Variants in UBASH3A observed in about 807,000 individuals in gnomAD.
UBASH3A encodes ubiquitin-associated and SH3 domain-containing protein A.
In UBASH3A, 63 loss-of-function variants were observed where a neutral mutation model predicts 73.5. That is an observed-to-expected ratio of 0.86 (90% CI 0.70 to 1.06). The LOEUF (loss-of-function observed/expected upper bound fraction) is 1.06. Among genes scored for constraint, UBASH3A ranks in the 50% least tolerant of loss-of-function variants. The probability of loss-of-function intolerance (pLI) is 0.00; values close to 1 mark genes in which losing one functional copy is unlikely to be tolerated. For synonymous variants in UBASH3A, 363 were observed against 351.1 expected (o/e 1.03, Z -0.38); for missense variants, 860 against 859.0 (o/e 1.00, Z -0.02).
intron 3 of UBASH3A, chr21:42,410,013 C>T (rs2053057796): frequency 1.4e-6 from 1 of 696,404 alleles, no homozygotes; most frequent in Non-Finnish European, 2.6e-6. Flanking sequence ...GAAACTAGCA[C>T]AGCCCCTAAA....
chr21:42,418,146 T>C (rs991208983), intron 6 of UBASH3A, among the ~76,000 whole-genome samples: 2 of 152,138 alleles, frequency 1.3e-5, no homozygotes, highest in Non-Finnish European at 2.9e-5. Context: ...CCTTCCAAAG[T>C]GCTGGGATTA....
intron 7 of UBASH3A, among the ~76,000 whole-genome samples, chr21:42,420,333 T>G (rs1193391721): frequency 6.6e-6 from 1 of 152,226 alleles, no homozygotes; most frequent in Non-Finnish European, 1.5e-5. Context: ...TGCAAATAGT[T>G]GTTATACGGT....
intron 14 of UBASH3A, 145 bp from the exon 15 acceptor site, chr21:42,446,912 G>A (rs2053853075): frequency 4.7e-6 from 4 of 847,408 alleles, no homozygotes; most frequent in African/African-American, 1.7e-5. Flanking sequence ...GGCAGATGTT[G>A]GTGCCATTCA....
At chr21:42,432,359 A>T (rs1015870153) in intron 9 of UBASH3A, among the ~76,000 whole-genome samples, 157 bp downstream of exon 9, 3 of 134,494 alleles carry the variant, frequency 2.2e-5, no homozygotes, top group Non-Finnish European at 4.8e-5. Context: ...TGCCTGCTAC[A>T]TCTTCCTCCA....
intron 8 of UBASH3A, among the ~76,000 whole-genome samples, 183 bp downstream of exon 8, chr21:42,427,003 C>T (rs555099429): frequency 6.6e-6 from 1 of 152,180 alleles, no homozygotes; most frequent in Non-Finnish European, 1.5e-5. Context: ...CTGCCCTGGT[C>T]TGTCTGCTCT....
chr21:42,444,794 C>G (rs1294876553), intron 14 of UBASH3A, 151 bp downstream of exon 14: 4 of 671,292 alleles, frequency 6.0e-6, no homozygotes, highest in Non-Finnish European at 1.1e-5. Flanking sequence ...CCCACCGGCT[C>G]TTATGCGAAG....
chr21:42,405,966 C>T (rs886888092), intron 1 of UBASH3A, among the ~76,000 whole-genome samples: 4 of 103,300 alleles, frequency 3.9e-5, no homozygotes, highest in Non-Finnish European at 7.2e-5. Context: ...CAGGGTGGGT[C>T]CATTTGATCT....
rs2053814358 is a variant in UBASH3A at position 42,444,588 on chromosome 21, C to A, written c.1793C>A (p.Pro598Gln). ...HGSTLDSCTR[P>Q]LLGLPPRECG... ...TCCACTCTGGACTCCTGCACGCGGC[C>A]ACTGCTCGGGCTGCCGCCCCGGGAA... Residue 598 changes from proline to glutamine, a missense_variant, in exon 14 of 15, where the codon CCA becomes CAA. By Grantham distance (76) the Pro-to-Gln change is moderately conservative. Transcript: ENST00000319294. The A allele has an allele frequency of 1.2e-6, 2 of 1,614,054 alleles. No individual in the cohort carries two copies. Among genetic ancestry groups the A allele is most frequent in the Non-Finnish European group, 1.7e-6 (2 of 1,180,044 alleles).
At chr21:42,427,058 G>A (rs892275927) in intron 8 of UBASH3A, among the ~76,000 whole-genome samples, 5 of 152,132 alleles carry the variant, frequency 3.3e-5, no homozygotes, top group African/African-American at 1.2e-4. Flanking sequence ...GCCCCACCTT[G>A]AGCTCCTCAA....
At chr21:42,438,186 C>T (rs1601599011) in intron 11 of UBASH3A, among the ~76,000 whole-genome samples, 3 of 152,096 alleles carry the variant, frequency 2.0e-5, no homozygotes, top group Non-Finnish European at 1.5e-5. Context: ...AGGGACTGGC[C>T]GTGGCCAGGA....
At position 42,406,328 on chromosome 21, in the gene UBASH3A, C is replaced by A. The variant is rs372110531; in HGVS notation, c.134C>A (p.Thr45Lys). 1.2e-6 allele frequency: 2 copies of A among 1,614,016 alleles called. No homozygotes were observed. Among genetic ancestry groups the A allele is most frequent in the Non-Finnish European group, 1.7e-6 (2 of 1,179,936 alleles). ...TGCAGGCTGAAAGCGTTGGCAGCCA[C>A]GGGGAGGAAGACGGCGGAGGAGGCC... is the stretch of plus-strand genomic sequence containing the variant. ...VHTALKALAA[T>K]GRKTAEEALA... The change falls in exon 2 of 15, where the codon ACG (threonine) becomes AAG (lysine). Residue 45 changes from threonine (T) to lysine (K), a missense_variant. Coordinates refer to ENST00000319294, the MANE Select transcript of UBASH3A (RefSeq NM_018961.4).
intron 13 of UBASH3A, among the ~76,000 whole-genome samples, chr21:42,443,744 A>G (rs1193039104): frequency 7.0e-6 from 1 of 143,704 alleles, no homozygotes; most frequent in East Asian, 2.1e-4. Flanking sequence ...GCCCCCCACC[A>G]TTCTCCAGCA....
At chr21:42,411,439 TAC>T (rs2146501989) in intron 3 of UBASH3A, among the ~76,000 whole-genome samples, 1 of 149,508 alleles carries the variant, frequency 6.7e-6, no homozygotes, top group Admixed American at 6.6e-5. Context: ...AATGCACACA[TAC>T]AGACACACAC....
chr21:42,429,403 C>T lies in UBASH3A; in HGVS notation c.1170+2583C>T, dbSNP rs539690140. On this transcript the variant is annotated intron_variant, in intron 8 of 14. Coordinates refer to ENST00000319294, the MANE Select transcript of UBASH3A (RefSeq NM_018961.4). Reference sequence around the variant, plus strand: ...CCCAGGGGTCAGTCCATTCCACTCCCCACAGGGCTTTCTTTTGCTTTATCA... The same window carrying T: ...CCCAGGGGTCAGTCCATTCCACTCCTCACAGGGCTTTCTTTTGCTTTATCA... 3.5e-3 allele frequency among the ~76,000 whole-genome samples: 532 copies of T among 152,340 alleles called. 3 individuals are homozygous for T. The highest frequency in any genetic ancestry group is 0.018 in the South Asian group (85 of 4,832).
chr21:42,444,653 C>T lies in UBASH3A; in HGVS notation c.1848+10C>T, dbSNP rs544693858. On this transcript the variant is annotated intron_variant, in intron 14 of 14. Transcript: ENST00000319294. ...CCAACTCGTGAGAAAGGTACGCGCC[C>T]ACTCTTGGCTCTTTGGGCCACAAAA... is the stretch of plus-strand genomic sequence containing the variant. The T allele has an allele frequency of 1.3e-6, 2 of 1,595,334 alleles. No homozygotes were observed. Among genetic ancestry groups the T allele is most frequent in the Non-Finnish European group, 1.7e-6 (2 of 1,162,834 alleles).
intron 2 of UBASH3A, among the ~76,000 whole-genome samples, chr21:42,406,633 A>C (rs1444368521): frequency 6.6e-6 from 1 of 152,268 alleles, no homozygotes; most frequent in Non-Finnish European, 1.5e-5. Context: ...TTTGACTGCC[A>C]AGAAGAACAG....
At chr21:42,410,333 G>A (rs200862788) in intron 3 of UBASH3A, 21 of 594,824 alleles carry the variant, frequency 3.5e-5, no homozygotes, top group East Asian at 1.4e-4. Context: ...CTGCTACCGC[G>A]GCCTGGCCCC....
At position 42,407,565 on chromosome 21, in the gene UBASH3A, A is replaced by C. The variant is rs139598645; in HGVS notation, c.167+1204A>C. The stretch of plus-strand genomic sequence containing the variant: ...CCCCTAGACTGTCAAGAGCACCCCA[A>C]CCTCTCACTAGTAACCAGGGAGGTG... On this transcript the variant is annotated intron_variant, in intron 2 of 14. Transcript: ENST00000319294. Among the ~76,000 whole-genome samples the C allele has an allele frequency of 1.5e-4, 23 of 152,272 alleles. No homozygotes were observed. The East Asian group carries it at 4.4e-3, about 29-fold the overall frequency.
chr21:42,430,664 G>A (rs904191911), intron 8 of UBASH3A, among the ~76,000 whole-genome samples: 5 of 152,132 alleles, frequency 3.3e-5, no homozygotes, highest in African/African-American at 9.7e-5. Flanking sequence ...GGCCGTGTTC[G>A]CTCTGCCCCC....
Sources: gnomAD v4.1 joint callset for allele counts (sites outside exome capture counted in the v4.1 genomes callset) on GRCh38, gnomAD v4.1.1 for gene constraint, MANE v1.5 for transcripts, NCBI Gene and HGNC (gene_info 2026-07-23, HGNC 2026-07-21) for gene names.